Variants in MYO3B observed in about 807,000 individuals in gnomAD.
MYO3B encodes myosin-IIIb.
Under a neutral mutation model 174.6 loss-of-function variants are expected in MYO3B, and 156 were observed. That is an observed-to-expected ratio of 0.89 (90% CI 0.78 to 1.02). The LOEUF (loss-of-function observed/expected upper bound fraction) is 1.02, where lower values mean the gene tolerates loss of function less well. MYO3B is among the 50% of genes least tolerant of loss of function. MYO3B has a pLI of 0.00. For synonymous variants in MYO3B, 563 were observed against 569.1 expected, an observed-to-expected ratio of 0.99 and a Z score of 0.15; for missense variants, 1,632 against 1,639.4, an observed-to-expected ratio of 1.00 and a Z score of 0.08.
At chr2:170,359,778 G>A (rs2094147632) in intron 8 of MYO3B, among the ~76,000 whole-genome samples, 1 of 152,112 alleles carries the variant, frequency 6.6e-6, no homozygotes, top group Non-Finnish European at 1.5e-5. Flanking sequence ...TACTTCGTCT[G>A]CGCTATTCTA....
intron 22 of MYO3B, among the ~76,000 whole-genome samples, chr2:170,422,834 A>G (rs1372672071): frequency 2.6e-5 from 4 of 152,126 alleles, no homozygotes; most frequent in Non-Finnish European, 5.9e-5. Flanking sequence ...ATAGATCTTC[A>G]TATATCAAAA....
intron 7 of MYO3B, among the ~76,000 whole-genome samples, chr2:170,320,285 G>A (rs999967438): frequency 1.3e-5 from 2 of 152,120 alleles, no homozygotes; most frequent in South Asian, 2.1e-4. Context: ...GGGCTCAAGC[G>A]ATCTTCCCAC....
intron 32 of MYO3B, among the ~76,000 whole-genome samples, chr2:170,591,269 T>C (rs1575211588): frequency 2.0e-5 from 3 of 152,196 alleles, no homozygotes; most frequent in Non-Finnish European, 4.4e-5. Flanking sequence ...ACTTCAGACC[T>C]TCACAAAGGC....
At chr2:170,566,842 T>A (rs1399228722) in intron 32 of MYO3B, among the ~76,000 whole-genome samples, 2 of 152,090 alleles carry the variant, frequency 1.3e-5, no homozygotes, top group African/African-American at 4.8e-5. Context: ...TGGAAAGCAA[T>A]TAGATTAGTA....
chr2:170,330,723 A>G (rs1487814249), intron 7 of MYO3B, among the ~76,000 whole-genome samples: 4 of 152,180 alleles, frequency 2.6e-5, no homozygotes, highest in Admixed American at 6.5e-5. Context: ...GGTTATATAT[A>G]TTCAGGGACC....
chr2:170,271,981 AGATGCCAG>A (rs2093428408), intron 7 of MYO3B, among the ~76,000 whole-genome samples: 1 of 152,100 alleles, frequency 6.6e-6, no homozygotes, highest in Non-Finnish European at 1.5e-5. Context: ...GTAAACTTGC[AGATGCCAG>A]CTGACTGGTG....
At chr2:170,295,523 G>A (rs758789143) in intron 7 of MYO3B, among the ~76,000 whole-genome samples, 16 of 151,920 alleles carry the variant, frequency 1.1e-4, no homozygotes, top group Non-Finnish European at 2.2e-4. Flanking sequence ...GACTTAAAAA[G>A]CTTTAACTCT....
intron 7 of MYO3B, among the ~76,000 whole-genome samples, chr2:170,263,132 A>G (rs2093357231): frequency 6.6e-6 from 1 of 152,160 alleles, no homozygotes; most frequent in Non-Finnish European, 1.5e-5. Flanking sequence ...AACACTTAGC[A>G]GCTTAAATAA....
At chr2:170,223,748 A>G (rs1427489173) in intron 6 of MYO3B, among the ~76,000 whole-genome samples, 2 of 152,218 alleles carry the variant, frequency 1.3e-5, no homozygotes, top group Admixed American at 6.5e-5. Context: ...CTACCATCAC[A>G]TATAGCAAAG....
intron 7 of MYO3B, among the ~76,000 whole-genome samples, chr2:170,248,330 T>C (rs1342488802): frequency 1.3e-5 from 2 of 152,180 alleles, no homozygotes; most frequent in African/African-American, 4.8e-5. Flanking sequence ...ATAATACTGC[T>C]TTATATTTAT....
chr2:170,431,972 G>T (rs1032963257), intron 22 of MYO3B, among the ~76,000 whole-genome samples: 1 of 152,180 alleles, frequency 6.6e-6, no homozygotes. Context: ...GCATTACTCA[G>T]GTGTTTGTGG....
At chr2:170,632,548 C>T (rs950267146) in intron 32 of MYO3B, among the ~76,000 whole-genome samples, 1 of 152,098 alleles carries the variant, frequency 6.6e-6, no homozygotes. Context: ...CTAAAATTGA[C>T]ACCCTAACAT....
intron 29 of MYO3B, among the ~76,000 whole-genome samples, chr2:170,518,776 T>C (rs1248662598): frequency 6.6e-6 from 1 of 152,174 alleles, no homozygotes; most frequent in Admixed American, 6.5e-5. Flanking sequence ...TTCCAGGTGA[T>C]GTTGATGCTA....
rs371256481 is a variant in MYO3B at position 170,272,769 on chromosome 2, C to T, written c.749+36633C>T. Among the ~76,000 whole-genome samples the T allele has an allele frequency of 9.2e-5, 14 of 152,162 alleles. No individual in the cohort carries two copies. The South Asian group carries it at 1.7e-3, about 18-fold the overall frequency. On this transcript the variant is annotated intron_variant, in intron 7 of 34. Transcript: ENST00000408978. Reference sequence around the variant, plus strand: ...TTCTTCATAAAAGGACAAGTTTGGCCCTTTTCTGTTTTTCTTTTGCCCTTT... The same window carrying T: ...TTCTTCATAAAAGGACAAGTTTGGCTCTTTTCTGTTTTTCTTTTGCCCTTT...
At chr2:170,466,112 G>A (rs1242501825) in intron 24 of MYO3B, among the ~76,000 whole-genome samples, 1 of 152,100 alleles carries the variant, frequency 6.6e-6, no homozygotes, top group Non-Finnish European at 1.5e-5. Flanking sequence ...ACTATCTGGT[G>A]GTTCTTAGGC....
At chr2:170,539,877 C>T (rs1283838921) in intron 30 of MYO3B, among the ~76,000 whole-genome samples, 1 of 152,122 alleles carries the variant, frequency 6.6e-6, no homozygotes, top group African/African-American at 2.4e-5. Context: ...CTGCCTCAAC[C>T]TCCCGAAGTG....
Position 170,521,139 on chromosome 2 carries a change from G to A in MYO3B, c.3575+1599G>A, listed in dbSNP as rs952954401. The stretch of plus-strand genomic sequence containing the variant: ...TTTTATTATTTTATTTTGTGAGATC[G>A]CTTAAGATTTTTGAGACTTGATAAA... On this transcript the variant is annotated intron_variant, in intron 30 of 34. Transcript: ENST00000408978. 1.7e-4 allele frequency among the ~76,000 whole-genome samples: 26 copies of A among 152,020 alleles called. No individual in the cohort carries two copies. In the East Asian group the frequency reaches 4.8e-3, roughly 28 times the overall value.
chr2:170,476,363 A>G (rs1191001245), intron 25 of MYO3B, among the ~76,000 whole-genome samples: 1 of 152,236 alleles, frequency 6.6e-6, no homozygotes, highest in Non-Finnish European at 1.5e-5. Flanking sequence ...GTAGTGGGCC[A>G]GTGTGATAGC....
At chr2:170,613,023 C>T (rs1387897840) in intron 32 of MYO3B, among the ~76,000 whole-genome samples, 1 of 152,156 alleles carries the variant, frequency 6.6e-6, no homozygotes, top group East Asian at 1.9e-4. Flanking sequence ...TGTGGACTGG[C>T]CATCCTGAGC....
Sources: allele counts gnomAD v4.1 joint callset (sites outside exome capture counted in the v4.1 genomes callset), GRCh38; gene constraint gnomAD v4.1.1; transcripts MANE v1.5; gene names NCBI Gene and HGNC (gene_info 2026-07-23, HGNC 2026-07-21).